The following COL6A3 variants were observed in gnomAD, a reference collection of about 807,000 sequenced individuals.
COL6A3 encodes collagen alpha-3(VI) chain.
Under a neutral mutation model 274.1 loss-of-function variants are expected in COL6A3, and 137 were observed. The observed-to-expected ratio is 0.50, with a 90% confidence interval of 0.44 to 0.58. The LOEUF is 0.58. Among genes scored for constraint, COL6A3 ranks in the 20% least tolerant of loss-of-function variants. COL6A3 has a pLI of 0.00. For missense variants in COL6A3, 3,950 were observed against 4,124.9 expected (o/e 0.96, Z 1.16); for synonymous variants, 1,650 against 1,650.6 (o/e 1.00, Z 0.01).
At chr2:237,395,335 C>G in intron 2 of COL6A3, 131 bp from the exon 3 acceptor site, 1 of 957,898 alleles carries the variant, frequency 1.0e-6, no homozygotes, top group Non-Finnish European at 1.6e-6. Flanking sequence ...ACTGATAATA[C>G]AGGAAGGTAG....
At chr2:237,365,613 T>C (rs2077532268) in intron 12 of COL6A3, 85 bp downstream of exon 12, 2 of 1,205,218 alleles carry the variant, frequency 1.7e-6, no homozygotes, top group East Asian at 2.3e-5. Context: ...ATGAAGAGGA[T>C]TTAACTTGGG....
Position 237,377,198 on chromosome 2 carries a change from C to A in COL6A3, c.2644G>T (p.Asp882Tyr). The change falls in exon 7 of 44, where the codon GAT becomes TAT. Residue 882 changes from aspartate (D) to tyrosine (Y), a missense_variant. By Grantham distance (160) the Asp-to-Tyr change is radical. Around this residue, in one of 5 missense-constraint regions of COL6A3, gnomAD observed 1,934 missense variants for 1,984.3 expected, o/e 0.97. Transcript: ENST00000295550. Reference protein sequence around the residue: ...GTRIAVAQYSDDVKVESRFDE... With the variant: ...GTRIAVAQYSYDVKVESRFDE... ...AAACGGGACTCCACCTTGACATCAT[C>A]GCTGTACTGAGCCACCGCAATTCGG... is the stretch of plus-strand genomic sequence containing the variant. 6.2e-7 allele frequency: 1 copy of A among 1,614,068 alleles called. No homozygotes were observed. Among genetic ancestry groups the A allele is most frequent in the Non-Finnish European group, 8.5e-7 (1 of 1,180,038 alleles).
At chr2:237,350,277 G>T in intron 27 of COL6A3, 68 bp from the exon 28 acceptor site, 1 of 1,478,332 alleles carries the variant, frequency 6.8e-7, no homozygotes, top group Non-Finnish European at 9.4e-7. Flanking sequence ...GCCAAGCCAT[G>T]CTTTTGCTCT....
chr2:237,413,243 C>T lies in COL6A3; in HGVS notation c.-31+710G>A, dbSNP rs1335259928. Among the ~76,000 whole-genome samples, 1 of 152,232 alleles carries T rather than the reference C, an allele frequency of 6.6e-6. No individual in the cohort carries two copies. Among genetic ancestry groups the T allele is most frequent in the African/African-American group, 2.4e-5 (1 of 41,462 alleles). On this transcript the variant is annotated intron_variant, in intron 1 of 43. Coordinates refer to ENST00000295550, the MANE Select transcript of COL6A3 (RefSeq NM_004369.4). The surrounding 1 kb of genome is among the most constrained non-coding windows in gnomAD (Gnocchi z 4.0). ...CAGGGGCCCTGCCTTAGACACTCAG[C>T]ATGCTGCCCAAATGCCCAATTCCTT...
intron 21 of COL6A3, among the ~76,000 whole-genome samples, 167 bp downstream of exon 21, chr2:237,358,354 C>A (rs763282932): frequency 6.6e-5 from 10 of 152,186 alleles, no homozygotes; most frequent in Admixed American, 1.3e-4. Context: ...AGCAAGAGAA[C>A]CAACACATCT....
In COL6A3 at chr2:237,353,365, T is replaced by C; in HGVS notation, c.6666A>G (p.Gly2222=). 1 of 1,614,160 alleles carries C rather than the reference T, an allele frequency of 6.2e-7. No homozygotes were observed. The highest frequency in any genetic ancestry group is 1.3e-5 in the African/African-American group (1 of 75,040). The change falls in exon 25 of 44, where the codon GGA becomes GGG. Residue 2222 remains glycine, a synonymous_variant. Transcript: ENST00000295550. Reference sequence around the variant, plus strand: ...CCTGTGCACCTCTGGTCCCCTGCTCTCCCTCAAAGCCCGGCTGGCCAGGAC... The same window carrying C: ...CCTGTGCACCTCTGGTCCCCTGCTCCCCCTCAAAGCCCGGCTGGCCAGGAC... The part of the protein sequence containing the change: ...KGGPGQPGFE[G]EQGTRGAQGP...
At position 237,366,795 on chromosome 2, in the gene COL6A3, G is replaced by A. The variant is rs886044508; in HGVS notation, c.5392C>T (p.Arg1798Cys). The A allele has an allele frequency of 8.1e-6, 13 of 1,614,134 alleles. 2 individuals carry two copies. The Middle Eastern group carries it at 4.9e-4, about 61-fold the overall frequency. The change falls in exon 11 of 44, where the codon CGC becomes TGC. Residue 1798 changes from arginine (R) to cysteine (C), a missense_variant. Arg to Cys is a radical substitution (Grantham distance 180). This residue lies in a region of COL6A3 where 632 missense variants were observed against 623.4 expected (regional missense o/e 1.01). Transcript: ENST00000295550. The stretch of plus-strand genomic sequence containing the variant: ...GACAGCTCCTGGACGTTGCCCACGC[G>A]GAACGCTGTGGCGCTGTTGGACGCT... The part of the protein sequence containing the change: ...KIASNSATAF[R>C]VGNVQELSEL...
Position 237,377,313 on chromosome 2 carries a change from G to A in COL6A3, c.2529C>T (p.Asp843=), listed in dbSNP as rs556079869. Residue 843 remains aspartate, a synonymous_variant, in exon 7 of 44, where the codon GAC becomes GAT. Coordinates refer to ENST00000295550, the MANE Select transcript of COL6A3 (RefSeq NM_004369.4). ...ACTGGCCCACAAGATTGGCTGAGCC[G>A]TCAAAGAGGAACAGAATGTCTCGCT... is the stretch of plus-strand genomic sequence containing the variant. ...ESKRDILFLF[D]GSANLVGQFP... is the part of the protein sequence containing the mutation. The A allele has an allele frequency of 2.9e-5, 46 of 1,601,204 alleles. No individual in the cohort carries two copies. Among genetic ancestry groups the A allele is most frequent in the East Asian group, 8.9e-5 (4 of 44,876 alleles).
At chr2:237,342,728 C>T (rs753973914) in intron 36 of COL6A3, 5 of 159,270 alleles carry the variant, frequency 3.1e-5, no homozygotes, top group African/African-American at 9.6e-5. Context: ...TTTTTGATCT[C>T]GTTGAAACCA....
intron 11 of COL6A3, 44 bp from the exon 12 acceptor site, chr2:237,366,079 AGGAGAC>A: frequency 1.9e-6 from 3 of 1,570,972 alleles, no homozygotes; most frequent in Non-Finnish European, 1.8e-6. Context: ...GCTGGGGCTG[AGGAGAC>A]GAACTCTACT....
chr2:237,381,524 A>G, intron 4 of COL6A3, 25 bp from the exon 5 acceptor site: 7 of 1,534,612 alleles, frequency 4.6e-6, no homozygotes, highest in Non-Finnish European at 6.2e-6. Flanking sequence ...ATTATAAGGC[A>G]ATTAGAATGG....
chr2:237,372,642 G>A (rs542672085), intron 8 of COL6A3, among the ~76,000 whole-genome samples: 2 of 152,354 alleles, frequency 1.3e-5, no homozygotes, highest in East Asian at 1.9e-4. Context: ...CCGAGGGTCA[G>A]CCACTGGGCT....
rs773754862 is a variant in COL6A3 at position 237,367,006 on chromosome 2, C to G, written c.5181G>C (p.Arg1727=). 6.2e-7 allele frequency: 1 copy of G among 1,614,230 alleles called. No individual in the cohort carries two copies. The highest frequency in any genetic ancestry group is 8.5e-7 in the Non-Finnish European group (1 of 1,180,044). Residue 1727 remains arginine (R), a synonymous_variant, in exon 11 of 44, where the codon CGG becomes CGC. Coordinates refer to ENST00000295550, the MANE Select transcript of COL6A3 (RefSeq NM_004369.4). ...CTGCCTCAGGCACAAAGTGGTTTAC[C>G]CGCAGGTGCTCAAGGCCCACCTTAG... ...ANTKVGLEHL[R]VNHFVPEAGS... is the part of the protein sequence containing the mutation.
At chr2:237,342,231 G>T in intron 36 of COL6A3, 70 bp from the exon 37 acceptor site, 3 of 1,203,534 alleles carry the variant, frequency 2.5e-6, no homozygotes, top group Non-Finnish European at 2.4e-6. Flanking sequence ...TATGGCAGAG[G>T]AGTAAATCAA....
At chr2:237,358,072 A>T (rs1179737135) in intron 21 of COL6A3, among the ~76,000 whole-genome samples, 190 bp from the exon 22 acceptor site, 1 of 152,126 alleles carries the variant, frequency 6.6e-6, no homozygotes, top group African/African-American at 2.4e-5. Flanking sequence ...TCAGCAAAGC[A>T]CTCTTAGCCC....
Position 237,350,222 on chromosome 2 carries a change from A to C in COL6A3, c.6817-13T>G. ...CTCCGGGCTCACCCTAGACATGAGA[A>C]ACATGGCTGAGACCCTGTGGCCTGG... On this transcript the variant is annotated splice_polypyrimidine_tract_variant and intron_variant, in intron 27 of 43. Coordinates refer to ENST00000295550, the MANE Select transcript of COL6A3 (RefSeq NM_004369.4). 1 of 1,613,860 alleles carries C rather than the reference A, an allele frequency of 6.2e-7. No individual in the cohort carries two copies. Among genetic ancestry groups the C allele is most frequent in the South Asian group, 1.1e-5 (1 of 91,078 alleles).
intron 1 of COL6A3, among the ~76,000 whole-genome samples, chr2:237,405,806 G>GA (rs1313007927): frequency 6.6e-6 from 1 of 152,014 alleles, no homozygotes; most frequent in Non-Finnish European, 1.5e-5. Context: ...GCCTTTTGGG[G>GA]AAAAAATAGA....
chr2:237,365,261 A>G (rs999398647), intron 12 of COL6A3, among the ~76,000 whole-genome samples: 1 of 151,638 alleles, frequency 6.6e-6, no homozygotes, highest in Non-Finnish European at 1.5e-5. Flanking sequence ...AGACTGTGAG[A>G]AAATAAATGT....
chr2:237,411,390 G>T (rs988020067), intron 1 of COL6A3, among the ~76,000 whole-genome samples: 4 of 152,206 alleles, frequency 2.6e-5, no homozygotes, highest in African/African-American at 4.8e-5. Flanking sequence ...CGCTGGTGAA[G>T]ACTACGCTTG....
Sources: gnomAD v4.1 joint callset for allele counts (sites outside exome capture counted in the v4.1 genomes callset) on GRCh38, gnomAD v4.1.1 for gene constraint, gnomAD v4.1.1 regional missense constraint, Gnocchi (gnomAD v3.1) non-coding constraint, MANE v1.5 for transcripts, NCBI Gene and HGNC (gene_info 2026-07-23, HGNC 2026-07-21) for gene names.